The following RBM6 variants were observed in gnomAD, a reference collection of about 807,000 sequenced individuals.
RBM6 encodes RNA binding motif protein 6, also known as RNA-binding protein 6.
Under a neutral mutation model 140.4 loss-of-function variants are expected in RBM6, and 23 were observed. That is an observed-to-expected ratio of 0.16 (90% CI 0.12 to 0.23). RBM6 has a LOEUF of 0.23. Among genes scored for constraint, RBM6 ranks in the 10% least tolerant of loss-of-function variants. The pLI, the probability that RBM6 is intolerant of heterozygous loss-of-function variation, is 1.00. For missense variants in RBM6, 1,139 were observed against 1,386.7 expected, an observed-to-expected ratio of 0.82 and a Z score of 2.84; for synonymous variants, 439 against 475.6, an observed-to-expected ratio of 0.92 and a Z score of 1.00.
chr3:50,065,042 T>A lies in RBM6; in HGVS notation c.2598T>A (p.Asn866Lys). Residue 866 changes from asparagine (N) to lysine (K), a missense_variant, in exon 16 of 21, where the codon AAT (asparagine) becomes AAA (lysine). Transcript: ENST00000266022. The stretch of plus-strand genomic sequence containing the variant: ...TCTGGTTTGATCAGTTTCAGGAAAA[T>A]GCCAGTGAAGGGAAGGCCCCTGCAG... ...KDRGVTRFQE[N>K]ASEGKAPAED... is the part of the protein sequence containing the mutation. 1 of 1,612,938 alleles carries A rather than the reference T, an allele frequency of 6.2e-7. No homozygotes were observed. The highest frequency in any genetic ancestry group is 1.3e-5 in the African/African-American group (1 of 74,974).
chr3:50,049,846 C>G (rs1228574390), intron 7 of RBM6, among the ~76,000 whole-genome samples: 2 of 148,650 alleles, frequency 1.3e-5, no homozygotes, highest in African/African-American at 5.0e-5. Context: ...CTTCCTAGAA[C>G]TTCTTTTTTT....
At chr3:49,950,010 A>G (rs1003558336) in intron 1 of RBM6, among the ~76,000 whole-genome samples, 6 of 152,176 alleles carry the variant, frequency 3.9e-5, no homozygotes, top group African/African-American at 1.2e-4. Context: ...GGCATGAGCC[A>G]CTGGCCCAGA....
At chr3:49,997,640 A>G (rs922535806) in intron 5 of RBM6, among the ~76,000 whole-genome samples, 1 of 152,180 alleles carries the variant, frequency 6.6e-6, no homozygotes, top group Non-Finnish European at 1.5e-5. Context: ...TGTTTGTTCC[A>G]TGGCTAACCC....
intron 15 of RBM6, 51 bp from the exon 16 acceptor site, chr3:50,064,980 A>C: frequency 6.7e-7 from 1 of 1,486,978 alleles, no homozygotes; most frequent in Non-Finnish European, 9.4e-7. Context: ...CCCAGCCTTT[A>C]TCAGTTATTA....
intron 14 of RBM6, 37 bp downstream of exon 14, chr3:50,061,584 T>TTTC: frequency 7.8e-7 from 1 of 1,282,636 alleles, no homozygotes; most frequent in Admixed American, 2.5e-5. Flanking sequence ...TTTTTTTTTT[T>TTTC]ACCTCTGTCA....
intron 6 of RBM6, among the ~76,000 whole-genome samples, chr3:50,006,123 C>T (rs1193694888): frequency 2.7e-5 from 4 of 146,884 alleles, no homozygotes; most frequent in African/African-American, 7.6e-5. Flanking sequence ...CGCAGGGGTG[C>T]GATTTATCCA....
At chr3:50,059,959 T>A (rs2089870237) in intron 11 of RBM6, among the ~76,000 whole-genome samples, 1 of 152,220 alleles carries the variant, frequency 6.6e-6, no homozygotes, top group African/African-American at 2.4e-5. Context: ...TTTTGTCCTT[T>A]CCCTTTTGAC....
intron 11 of RBM6, among the ~76,000 whole-genome samples, chr3:50,060,553 CT>C (rs1188445875): frequency 2.0e-5 from 3 of 150,660 alleles, no homozygotes; most frequent in African/African-American, 7.3e-5. Flanking sequence ...TGAGATCATC[CT>C]GGCTAACACG....
At chr3:49,996,779 T>C (rs1278602816) in intron 5 of RBM6, among the ~76,000 whole-genome samples, 1 of 152,226 alleles carries the variant, frequency 6.6e-6, no homozygotes, top group Non-Finnish European at 1.5e-5. Context: ...GGACCCTTTC[T>C]GTAACTAGGC....
Position 49,968,551 on chromosome 3 carries a change from G to A in RBM6, c.1126G>A (p.Glu376Lys). Residue 376 changes from glutamate to lysine, a missense_variant, in exon 3 of 21, where the codon GAA becomes AAA. Transcript: ENST00000266022. ...DQDKSQLSGR[E>K]EQSSDAGLFK... ...AGATAAGTCACAGCTTTCTGGACGT[G>A]AAGAGCAGAGTTCAGATGCTGGTCT... 1 of 1,614,184 alleles carries A rather than the reference G, an allele frequency of 6.2e-7. No homozygotes were observed. The highest frequency in any genetic ancestry group is 8.5e-7 in the Non-Finnish European group (1 of 1,180,042).
Position 49,967,194 on chromosome 3 carries a change from G to A in RBM6, c.45-276G>A, listed in dbSNP as rs2084551210. On this transcript the variant is annotated intron_variant, in intron 2 of 20. Coordinates refer to ENST00000266022, the MANE Select transcript of RBM6 (RefSeq NM_005777.3). The surrounding 1 kb of genome is among the most constrained non-coding windows in gnomAD (Gnocchi z 4.0). Reference sequence around the variant, plus strand: ...TTTGGTATTGCGGATTTTCCCTGTTGCAGGACTGGGTGAAAGCTTTTTCTG... The same window carrying A: ...TTTGGTATTGCGGATTTTCCCTGTTACAGGACTGGGTGAAAGCTTTTTCTG... 2 of 1,191,932 alleles carry A rather than the reference G, an allele frequency of 1.7e-6. No individual in the cohort carries two copies. The highest frequency in any genetic ancestry group is 2.1e-6 in the Non-Finnish European group (2 of 959,768). The allele number at this position is 1,191,932 out of a possible 1,614,324, so 73.8% of individuals were successfully genotyped here. A position where few individuals can be genotyped will look rare whatever the true frequency, so the allele number is the denominator to read the frequency against.
Position 50,057,959 on chromosome 3 carries a change from G to A in RBM6, c.1925G>A (p.Arg642Lys), listed in dbSNP as rs764256194. The change falls in exon 9 of 21, where the codon AGG becomes AAG. Residue 642 changes from arginine (R) to lysine (K), a missense_variant. Coordinates refer to ENST00000266022, the MANE Select transcript of RBM6 (RefSeq NM_005777.3). ...CCAACTTTCCGAAGAGACCGAGAGA[G>A]GGAGTCATGGTCTGGAGAGACACGC... ...EGPTFRRDRERESWSGETRQD... is the reference protein window; with the variant it reads ...EGPTFRRDREKESWSGETRQD... 2 of 1,614,110 alleles carry A rather than the reference G, an allele frequency of 1.2e-6. No individual in the cohort carries two copies. The highest frequency in any genetic ancestry group is 2.2e-5 in the South Asian group (2 of 91,070).
Position 49,967,150 on chromosome 3 carries a change from T to C in RBM6, c.45-320T>C. The C allele has an allele frequency of 1.0e-6, 1 of 968,934 alleles. No homozygotes were observed. The highest frequency in any genetic ancestry group is 4.2e-5 in the South Asian group (1 of 23,718). The allele number at this position is 968,934 out of a possible 1,614,324, so 60.0% of individuals were successfully genotyped here. A position where few individuals can be genotyped will look rare whatever the true frequency, so the allele number is the denominator to read the frequency against. ...GTAGGAAATGGAAATTTTTGTAGTA[T>C]GTCACCATTGTTAGCTTATTTGGTA... is the stretch of plus-strand genomic sequence containing the variant. On this transcript the variant is annotated intron_variant, in intron 2 of 20. Transcript: ENST00000266022. The surrounding 1 kb of genome is among the most constrained non-coding windows in gnomAD (Gnocchi z 4.0).
chr3:50,053,942 C>G (rs2089592441), intron 7 of RBM6: 1 of 161,468 alleles, frequency 6.2e-6, no homozygotes, highest in Non-Finnish European at 1.4e-5. Flanking sequence ...ACTGAATTCT[C>G]AGTTCTAGCC....
At chr3:49,971,761 GT>G (rs764205114) in intron 3 of RBM6, among the ~76,000 whole-genome samples, 64 of 152,140 alleles carry the variant, frequency 4.2e-4, no homozygotes, top group Admixed American at 7.9e-4. Context: ...GAAAATTACT[GT>G]TTTGAGACTA....
chr3:49,946,575 G>GTCA, intron 1 of RBM6, among the ~76,000 whole-genome samples: 1 of 150,432 alleles, frequency 6.6e-6, no homozygotes, highest in South Asian at 2.1e-4. Context: ...TCACTCTGTT[G>GTCA]CCCAGGCCGG....
intron 2 of RBM6, among the ~76,000 whole-genome samples, chr3:49,964,107 A>G (rs1477942091): frequency 3.3e-5 from 5 of 151,754 alleles, no homozygotes; most frequent in Non-Finnish European, 7.4e-5. Flanking sequence ...GCGTTTCACC[A>G]TGTTGGCCAG....
intron 1 of RBM6, among the ~76,000 whole-genome samples, chr3:49,946,708 G>A (rs1246616271): frequency 6.6e-6 from 1 of 151,518 alleles, no homozygotes; most frequent in African/African-American, 2.4e-5. Flanking sequence ...GCTAATTTTT[G>A]TATTTTAGTA....
chr3:50,048,196 C>A, intron 6 of RBM6, 49 bp from the exon 7 acceptor site: 2 of 1,597,884 alleles, frequency 1.3e-6, no homozygotes, highest in Non-Finnish European at 1.7e-6. Flanking sequence ...CTGTCTCTGT[C>A]TGTTTCTCCA....
Sources: gnomAD v4.1 joint callset for allele counts (sites outside exome capture counted in the v4.1 genomes callset) on GRCh38, gnomAD v4.1.1 for gene constraint, Gnocchi (gnomAD v3.1) non-coding constraint, MANE v1.5 for transcripts, NCBI Gene and HGNC (gene_info 2026-07-23, HGNC 2026-07-21) for gene names.